The following SH3PXD2A variants were observed in gnomAD, a reference collection of about 807,000 sequenced individuals.
SH3PXD2A encodes the protein SH3 and PX domains 2A.
SH3PXD2A carries 32 observed loss-of-function variants against 115.2 expected under a neutral mutation model. That is an observed-to-expected ratio of 0.28 (90% CI 0.21 to 0.37). The LOEUF is 0.37. Among genes scored for constraint, SH3PXD2A ranks in the 10% least tolerant of loss-of-function variants. The pLI is 1.00. For missense variants in SH3PXD2A, 1,328 were observed against 1,498.7 expected, an observed-to-expected ratio of 0.89 and a Z score of 1.88; for synonymous variants, 610 against 629.1, an observed-to-expected ratio of 0.97 and a Z score of 0.45.
intron 1 of SH3PXD2A, among the ~76,000 whole-genome samples, chr10:103,808,544 C>G (rs1353264011): frequency 6.6e-6 from 1 of 152,174 alleles, no homozygotes; most frequent in Non-Finnish European, 1.5e-5. Flanking sequence ...AGCTACCATG[C>G]CTGGCCTAAA....
chr10:103,824,542 C>T (rs2039411067), intron 1 of SH3PXD2A, among the ~76,000 whole-genome samples: 1 of 152,142 alleles, frequency 6.6e-6, no homozygotes, highest in Non-Finnish European at 1.5e-5. Context: ...CTAGTTCTGC[C>T]TCTGGGGCCA....
chr10:103,790,959 T>G (rs935003199), intron 2 of SH3PXD2A, among the ~76,000 whole-genome samples: 3 of 152,244 alleles, frequency 2.0e-5, no homozygotes, highest in African/African-American at 7.2e-5. Context: ...CCTCCCATAT[T>G]GTGCTATTTG....
chr10:103,711,653 G>C (rs990090938), intron 5 of SH3PXD2A, among the ~76,000 whole-genome samples: 1 of 152,190 alleles, frequency 6.6e-6, no homozygotes, highest in African/African-American at 2.4e-5. Flanking sequence ...AGCAGCAAGT[G>C]GGGCAGAGAC....
intron 13 of SH3PXD2A, among the ~76,000 whole-genome samples, chr10:103,607,169 C>T (rs576793708): frequency 1.4e-4 from 21 of 145,508 alleles, no homozygotes; most frequent in South Asian, 4.4e-4. Context: ...ATGTGAGGAG[C>T]GCCTCTCCCC....
chr10:103,739,955 A>C (rs572600121), intron 3 of SH3PXD2A, among the ~76,000 whole-genome samples: 1 of 152,254 alleles, frequency 6.6e-6, no homozygotes, highest in South Asian at 2.1e-4. Flanking sequence ...GTGACCCTGA[A>C]ACAGGTCCCT....
intron 5 of SH3PXD2A, among the ~76,000 whole-genome samples, chr10:103,717,175 G>A (rs930513409): frequency 4.6e-5 from 7 of 151,982 alleles, no homozygotes; most frequent in Non-Finnish European, 7.4e-5. Context: ...CCCTGACTCC[G>A]GAGAGGTTGA....
intron 3 of SH3PXD2A, among the ~76,000 whole-genome samples, chr10:103,743,346 G>A (rs1221480989): frequency 1.3e-5 from 2 of 152,098 alleles, no homozygotes. Context: ...CCGAGTCACT[G>A]AGGCTCGGTG....
chr10:103,702,606 T>TGTG (rs1251218794), intron 5 of SH3PXD2A, among the ~76,000 whole-genome samples: 3 of 151,402 alleles, frequency 2.0e-5, no homozygotes, highest in Non-Finnish European at 2.9e-5. Flanking sequence ...CGTGTGTGTG[T>TGTG]GTGTGTGCAT....
intron 8 of SH3PXD2A, among the ~76,000 whole-genome samples, chr10:103,636,346 T>TGAACCTGGAG (rs1339801791): frequency 1.3e-5 from 2 of 150,922 alleles, no homozygotes; most frequent in Admixed American, 1.3e-4. Context: ...GAGGCGGAGC[T>TGAACCTGGAG]TGCAGTGAGT....
At chr10:103,634,573 CGAGTATAAGGT>C (rs140959057) in intron 8 of SH3PXD2A, among the ~76,000 whole-genome samples, 4,521 of 152,252 alleles carry the variant, frequency 0.03, 103 homozygotes, top group Middle Eastern at 0.068. Context: ...GTTGCATGCA[CGAGTATAAGGT>C]GACTCCTTGA....
intron 3 of SH3PXD2A, among the ~76,000 whole-genome samples, chr10:103,752,525 C>T (rs2038590332): frequency 6.6e-6 from 1 of 152,162 alleles, no homozygotes; most frequent in South Asian, 2.1e-4. Flanking sequence ...AAGAACACCA[C>T]CCTAATGTTG....
intron 4 of SH3PXD2A, among the ~76,000 whole-genome samples, chr10:103,734,496 C>A (rs1172886674): frequency 6.6e-6 from 1 of 152,194 alleles, no homozygotes; most frequent in Non-Finnish European, 1.5e-5. Flanking sequence ...CGCCTGTAAT[C>A]CCAGCACTTT....
rs7911638 is a variant in SH3PXD2A, at chr10:103,598,230, T to C, written c.*3586A>G. 121,807 of 152,680 alleles carry C rather than the reference T, an allele frequency of 0.8. 48,975 individuals carry two copies. Among genetic ancestry groups the C allele is most frequent in the East Asian group, 1 (5,176 of 5,186 alleles). 9.5% of individuals were successfully genotyped at this position (152,680 alleles called of 1,614,324 possible). A position where few individuals can be genotyped will look rare whatever the true frequency, so the allele number is the denominator to read the frequency against. ...TGGCAAGACAGCCCGTCTACAGTCA[T>C]TGGACATAGGGGAAACCCACAGGGC... is the stretch of plus-strand genomic sequence containing the variant. On this transcript the variant is annotated 3_prime_UTR_variant, in exon 15 of 15. Transcript: ENST00000369774.
chr10:103,677,303 C>T (rs950190028), intron 6 of SH3PXD2A, among the ~76,000 whole-genome samples: 1 of 152,234 alleles, frequency 6.6e-6, no homozygotes, highest in African/African-American at 2.4e-5. Flanking sequence ...CAGACACCGT[C>T]CCCAGCATTC....
At chr10:103,805,074 C>T (rs2039188015) in intron 1 of SH3PXD2A, among the ~76,000 whole-genome samples, 2 of 152,338 alleles carry the variant, frequency 1.3e-5, no homozygotes, top group South Asian at 4.1e-4. Context: ...TAGACATCAG[C>T]CTTTCTCCGG....
chr10:103,765,560 G>A (rs1224298116), intron 3 of SH3PXD2A, among the ~76,000 whole-genome samples: 1 of 152,246 alleles, frequency 6.6e-6, no homozygotes, highest in Non-Finnish European at 1.5e-5. Context: ...AGCTGCTGAT[G>A]GAATAGTGAT....
intron 3 of SH3PXD2A, among the ~76,000 whole-genome samples, chr10:103,766,297 A>C (rs1589446506): frequency 6.6e-6 from 1 of 152,316 alleles, no homozygotes; most frequent in East Asian, 1.9e-4. Flanking sequence ...CCCACTGTGA[A>C]GGGAGCTCTT....
intron 5 of SH3PXD2A, among the ~76,000 whole-genome samples, chr10:103,701,088 TTTACCATCTATCCATCTA>T: frequency 4.1e-4 from 1 of 2,428 alleles, no homozygotes. Flanking sequence ...CCATCATCCA[TTTACCATCTATCCATCTA>T]CCATCCAGCC....
At chr10:103,605,987 C>T (rs2036294007) in intron 13 of SH3PXD2A, 70 bp from the exon 14 acceptor site, 2 of 1,566,360 alleles carry the variant, frequency 1.3e-6, no homozygotes, top group East Asian at 2.3e-5. Flanking sequence ...AAGGGTTGGT[C>T]CCCACTCAGT....
Sources: gnomAD v4.1 joint callset for allele counts (sites outside exome capture counted in the v4.1 genomes callset) on GRCh38, gnomAD v4.1.1 for gene constraint, MANE v1.5 for transcripts, NCBI Gene and HGNC (gene_info 2026-07-23, HGNC 2026-07-21) for gene names.